Variants in OCA2 observed in about 807,000 individuals in gnomAD.
OCA2 encodes P protein.
OCA2 carries 77 observed loss-of-function variants against 100.2 expected under a neutral mutation model. The ratio of observed to expected loss-of-function variants is 0.77; its 90% CI spans 0.64 to 0.93. The LOEUF (loss-of-function observed/expected upper bound fraction) is 0.93. Among genes scored for constraint, OCA2 ranks in the 40% least tolerant of loss-of-function variants. The pLI is 0.00. For synonymous variants in OCA2, 432 were observed against 439.2 expected, an observed-to-expected ratio of 0.98 and a Z score of 0.21; for missense variants, 1,062 against 1,089.1, an observed-to-expected ratio of 0.98 and a Z score of 0.35.
rs1379944735 is a variant in OCA2 at position 28,081,716 on chromosome 15, C to A, written c.159G>T (p.Arg53Ser). 6.2e-7 allele frequency: 1 copy of A among 1,613,782 alleles called. No homozygotes were observed. Among genetic ancestry groups the A allele is most frequent in the Admixed American group, 1.7e-5 (1 of 60,028 alleles). The change falls in exon 2 of 24, where the codon AGG (arginine) becomes AGT (serine). Residue 53 changes from arginine to serine, a missense_variant. Arg to Ser is a moderately radical substitution (Grantham distance 110). Coordinates refer to ENST00000354638, the MANE Select transcript of OCA2 (RefSeq NM_000275.3). ...CCCAAGAGCTCTGCCCGGCAGCCCCCCTGGGGCAGGAGTGCGAGGGGTCAG... is the reference window on the plus strand; with the variant it reads ...CCCAAGAGCTCTGCCCGGCAGCCCCACTGGGGCAGGAGTGCGAGGGGTCAG... ...GGADPSHSCP[R>S]GAAGQSSWAP...
At chr15:27,982,382 T>G (rs79722274) in intron 14 of OCA2, among the ~76,000 whole-genome samples, 3,929 of 152,302 alleles carry the variant, frequency 0.026, 182 homozygotes, top group African/African-American at 0.09. Flanking sequence ...AGCTCCATCC[T>G]GGATAACAGG....
intron 3 of OCA2, among the ~76,000 whole-genome samples, chr15:28,031,388 C>T (rs2042902819): frequency 6.6e-6 from 1 of 152,202 alleles, no homozygotes; most frequent in Non-Finnish European, 1.5e-5. Context: ...AAACATGGAG[C>T]AGGCGGCTCA....
intron 2 of OCA2, among the ~76,000 whole-genome samples, chr15:28,047,009 G>A (rs1458332227): frequency 6.6e-6 from 1 of 152,120 alleles, no homozygotes; most frequent in Admixed American, 6.5e-5. Context: ...AAAGATCACT[G>A]GACTCCCCTC....
chr15:28,046,259 G>C (rs2043344206), intron 2 of OCA2, among the ~76,000 whole-genome samples: 1 of 152,172 alleles, frequency 6.6e-6, no homozygotes, highest in African/African-American at 2.4e-5. Flanking sequence ...ATTCAAGGAG[G>C]ATTCAATAAA....
At chr15:28,072,569 G>A (rs567256164) in intron 2 of OCA2, among the ~76,000 whole-genome samples, 33 of 127,184 alleles carry the variant, frequency 2.6e-4, no homozygotes, top group African/African-American at 9.1e-4. Flanking sequence ...CAGCCTGGGC[G>A]ACAGAGCAAG....
At chr15:27,766,795 A>C (rs911784009) in intron 23 of OCA2, among the ~76,000 whole-genome samples, 5 of 152,128 alleles carry the variant, frequency 3.3e-5, no homozygotes, top group Non-Finnish European at 4.4e-5. Flanking sequence ...CCTTGAACAC[A>C]GGCAGGCTAC....
chr15:28,081,372 GAAT>G (rs2044616710), intron 2 of OCA2, among the ~76,000 whole-genome samples: 1 of 152,100 alleles, frequency 6.6e-6, no homozygotes, highest in Non-Finnish European at 1.5e-5. Context: ...CAAAATTGCA[GAAT>G]AATTGCAATA....
At chr15:27,807,421 G>A (rs1257592448) in intron 23 of OCA2, among the ~76,000 whole-genome samples, 1 of 152,170 alleles carries the variant, frequency 6.6e-6, no homozygotes, top group African/African-American at 2.4e-5. Flanking sequence ...TTTGCCCAGT[G>A]TGTCCCCAGC....
chr15:28,054,747 TA>T (rs140589534), intron 2 of OCA2, among the ~76,000 whole-genome samples: 15,320 of 152,190 alleles, frequency 0.1, 1,040 homozygotes, highest in African/African-American at 0.19. Context: ...CATGCTGCTA[TA>T]AAAAAACTGC....
At chr15:27,771,139 C>T (rs1253577107) in intron 23 of OCA2, among the ~76,000 whole-genome samples, 1 of 140,238 alleles carries the variant, frequency 7.1e-6, no homozygotes, top group Non-Finnish European at 1.6e-5. Flanking sequence ...CCCTCCCTTC[C>T]TTCCCTCCCC....
At chr15:27,928,433 C>A (rs1038165617) in intron 18 of OCA2, among the ~76,000 whole-genome samples, 1 of 152,118 alleles carries the variant, frequency 6.6e-6, no homozygotes, top group Non-Finnish European at 1.5e-5. Flanking sequence ...AAAAGGTGTA[C>A]TAGTTTTCAA....
At chr15:28,097,251 G>C (rs539080674) in intron 1 of OCA2, among the ~76,000 whole-genome samples, 4 of 152,368 alleles carry the variant, frequency 2.6e-5, no homozygotes, top group African/African-American at 9.6e-5. Context: ...AAACTGCGCG[G>C]GTCCCGCGGG....
At chr15:27,913,895 GCAAGCAAGCAAGCAAGCA>G (rs2038543705) in intron 19 of OCA2, among the ~76,000 whole-genome samples, 2 of 39,026 alleles carry the variant, frequency 5.1e-5, no homozygotes, top group African/African-American at 9.9e-5. Flanking sequence ...AAGAAAGAAA[GCAAGCAAGCAAGCAAGCA>G]AGCAAGCAAG....
At chr15:27,958,080 T>C (rs2040290771) in intron 15 of OCA2, among the ~76,000 whole-genome samples, 1 of 152,136 alleles carries the variant, frequency 6.6e-6, no homozygotes, top group East Asian at 1.9e-4. Flanking sequence ...AGGGATAGCA[T>C]TAGGAGATAT....
intron 23 of OCA2, among the ~76,000 whole-genome samples, chr15:27,827,759 T>G (rs2034789748): frequency 6.6e-6 from 1 of 152,214 alleles, no homozygotes; most frequent in Non-Finnish European, 1.5e-5. Flanking sequence ...GTATTTAAAA[T>G]AAGCATAATC....
chr15:27,845,042 T>C lies in OCA2; in HGVS notation c.2349A>G (p.Thr783=). 1.2e-6 allele frequency: 2 copies of C among 1,613,788 alleles called. No homozygotes were observed. The highest frequency in any genetic ancestry group is 1.7e-6 in the Non-Finnish European group (2 of 1,179,700). ...CGACGTTTGCCGACGCGCCAATCAG[T>C]GTCCCGTTACCTAAAGTCAAAATTT... ...AFGACLGGNG[T]LIGASANVVC... The change falls in exon 23 of 24, where the codon ACA becomes ACG. Residue 783 remains threonine, a synonymous_variant. Coordinates refer to ENST00000354638, the MANE Select transcript of OCA2 (RefSeq NM_000275.3).
At chr15:27,871,367 C>A in intron 20 of OCA2, 109 bp from the exon 21 acceptor site, 1 of 788,218 alleles carries the variant, frequency 1.3e-6, no homozygotes, top group East Asian at 2.6e-5. Context: ...TTCCTCTTAC[C>A]CATCACGAGA....
intron 23 of OCA2, among the ~76,000 whole-genome samples, chr15:27,792,820 C>A (rs979219172): frequency 1.3e-5 from 2 of 152,202 alleles, no homozygotes; most frequent in African/African-American, 4.8e-5. Flanking sequence ...GTTCCGTCGA[C>A]TTGAGACAAG....
intron 2 of OCA2, among the ~76,000 whole-genome samples, chr15:28,079,237 C>T (rs1427403180): frequency 6.6e-6 from 1 of 152,060 alleles, no homozygotes; most frequent in African/African-American, 2.4e-5. Flanking sequence ...TTTCCACATA[C>T]CTGAGACTCC....
Sources: gnomAD v4.1 joint callset for allele counts (sites outside exome capture counted in the v4.1 genomes callset) on GRCh38, gnomAD v4.1.1 for gene constraint, MANE v1.5 for transcripts, NCBI Gene and HGNC (gene_info 2026-07-23, HGNC 2026-07-21) for gene names.